The following DNAI3 variants were observed in gnomAD, a reference collection of about 807,000 sequenced individuals.
DNAI3 encodes dynein axonemal intermediate chain 3, also known as WD repeat domain 63.
DNAI3 carries 83 observed loss-of-function variants against 115.5 expected under a neutral mutation model. The ratio of observed to expected loss-of-function variants is 0.72; its 90% confidence interval spans 0.60 to 0.86. The LOEUF (loss-of-function observed/expected upper bound fraction) is 0.86. Ranked by LOEUF, DNAI3 falls within the 40% of genes least tolerant of loss-of-function variation. The pLI, the probability that DNAI3 is intolerant of heterozygous loss-of-function variation, is 0.00. For synonymous variants in DNAI3, 320 were observed against 347.0 expected (o/e 0.92, Z 0.86); for missense variants, 1,004 against 1,075.8 (o/e 0.93, Z 0.93).
chr1:85,064,704 A>G (rs1654040571), intron 1 of DNAI3, among the ~76,000 whole-genome samples: 1 of 152,084 alleles, frequency 6.6e-6, no homozygotes, highest in Non-Finnish European at 1.5e-5. Flanking sequence ...GTTCTAGACC[A>G]GCCTGGGCAA....
chr1:85,078,076 G>A (rs1654514716), intron 3 of DNAI3, among the ~76,000 whole-genome samples: 1 of 152,116 alleles, frequency 6.6e-6, no homozygotes, highest in South Asian at 2.1e-4. Flanking sequence ...CCATTCACTG[G>A]ATCCTATGGA....
At chr1:85,119,749 G>A (rs1655936308) in intron 17 of DNAI3, among the ~76,000 whole-genome samples, 1 of 151,904 alleles carries the variant, frequency 6.6e-6, no homozygotes, top group South Asian at 2.1e-4. Context: ...CCAGGCTGGA[G>A]TGTAGTGGCA....
intron 1 of DNAI3, among the ~76,000 whole-genome samples, chr1:85,064,522 C>T (rs116000993): frequency 7.4e-4 from 113 of 152,258 alleles, no homozygotes; most frequent in African/African-American, 2.5e-3. Context: ...ATCAATAGTT[C>T]TTGCAGACGC....
intron 16 of DNAI3, among the ~76,000 whole-genome samples, chr1:85,115,137 C>T (rs1054785462): frequency 1.4e-4 from 22 of 152,152 alleles, no homozygotes; most frequent in Admixed American, 7.9e-4. Context: ...ATTACTTTAC[C>T]TCTCTGTACC....
rs769472340 is a variant in DNAI3, at chr1:85,097,526, A to T, written c.1264-43A>T. 3.6e-5 allele frequency: 55 copies of T among 1,540,154 alleles called. 1 individual carries two copies. The highest frequency in any genetic ancestry group is 3.7e-5 in the Non-Finnish European group (42 of 1,139,280). On this transcript the variant is annotated intron_variant, in intron 11 of 22. Transcript: ENST00000294664. ...TAAAAGAAAATTAAGACTCAATTAGATATTTTCTGAAAAGGTTATGATAAC... is the reference window on the plus strand; with the variant it reads ...TAAAAGAAAATTAAGACTCAATTAGTTATTTTCTGAAAAGGTTATGATAAC...
At chr1:85,116,983 C>T (rs1198192804) in intron 16 of DNAI3, among the ~76,000 whole-genome samples, 1 of 151,878 alleles carries the variant, frequency 6.6e-6, no homozygotes, top group Non-Finnish European at 1.5e-5. Context: ...AAGTTTTATT[C>T]TCCTGTTTTA....
At position 85,128,701 on chromosome 1, in the gene DNAI3, T is replaced by A; in HGVS notation, c.2318-7T>A. 1 of 1,601,856 alleles carries A rather than the reference T, an allele frequency of 6.2e-7. No individual in the cohort carries two copies. Among genetic ancestry groups the A allele is most frequent in the Non-Finnish European group, 8.5e-7 (1 of 1,176,864 alleles). ...TTTTTTCCTCCCATTTATTTTAAAA[T>A]TTTCAGCTAAACAGCAATTTATAGC... is the stretch of plus-strand genomic sequence containing the variant. On this transcript the variant is annotated splice_polypyrimidine_tract_variant and splice_region_variant and intron_variant, in intron 20 of 22. Coordinates refer to ENST00000294664, the MANE Select transcript of DNAI3 (RefSeq NM_145172.5).
At chr1:85,073,367 G>GT (rs1654346397) in intron 3 of DNAI3, among the ~76,000 whole-genome samples, 1 of 152,102 alleles carries the variant, frequency 6.6e-6, no homozygotes, top group Non-Finnish European at 1.5e-5. Flanking sequence ...AGTGTTATAA[G>GT]CCTGCAACTT....
chr1:85,113,454 T>G (rs1423581665), intron 16 of DNAI3, among the ~76,000 whole-genome samples: 2 of 152,220 alleles, frequency 1.3e-5, no homozygotes, highest in African/African-American at 2.4e-5. Flanking sequence ...CACCATTTGT[T>G]GAATACACCA....
In DNAI3 at chr1:85,081,275, C is replaced by A; in HGVS notation, c.145C>A (p.Gln49Lys). 6.2e-7 allele frequency: 1 copy of A among 1,600,110 alleles called. No individual in the cohort carries two copies. The highest frequency in any genetic ancestry group is 8.5e-7 in the Non-Finnish European group (1 of 1,175,856). The stretch of plus-strand genomic sequence containing the variant: ...TCCTTTAGTATTAACCACCAAGACC[C>A]AAGAAATATTTAACTGCCGAATAGA... ...IYPLVLTTKT[Q>K]EIFNCRIDED... The change falls in exon 4 of 23, where the codon CAA becomes AAA. Residue 49 changes from glutamine to lysine, a missense_variant. Gln to Lys is a moderately conservative substitution (Grantham distance 53). This residue lies in a region of DNAI3 where 550 missense variants were observed against 568.1 expected (regional missense o/e 0.97). Transcript: ENST00000294664.
intron 13 of DNAI3, among the ~76,000 whole-genome samples, chr1:85,103,237 G>A (rs1655381975): frequency 6.6e-6 from 1 of 152,176 alleles, no homozygotes; most frequent in African/African-American, 2.4e-5. Context: ...CAGTTCCAGA[G>A]TGGCATCTTC....
chr1:85,122,162 A>T (rs1656010606), intron 18 of DNAI3, among the ~76,000 whole-genome samples: 1 of 152,256 alleles, frequency 6.6e-6, no homozygotes, highest in African/African-American at 2.4e-5. Context: ...TAAAAATAAA[A>T]TACTGTTTCA....
chr1:85,122,874 G>C (rs1160936637), intron 18 of DNAI3, among the ~76,000 whole-genome samples: 1 of 152,172 alleles, frequency 6.6e-6, no homozygotes, highest in Non-Finnish European at 1.5e-5. Flanking sequence ...AAATTAGGAG[G>C]ATTCAGTTCT....
intron 13 of DNAI3, among the ~76,000 whole-genome samples, chr1:85,100,517 T>C (rs1235095964): frequency 2.0e-5 from 3 of 152,210 alleles, no homozygotes; most frequent in Admixed American, 6.5e-5. Context: ...ACTTTTACAC[T>C]GTTGGTGGGA....
chr1:85,074,104 C>T (rs2100558470), intron 3 of DNAI3, among the ~76,000 whole-genome samples: 1 of 152,254 alleles, frequency 6.6e-6, no homozygotes, highest in Admixed American at 6.5e-5. Context: ...TTCAAACCAC[C>T]CCAACTTATG....
intron 20 of DNAI3, among the ~76,000 whole-genome samples, chr1:85,127,508 A>G (rs966103354): frequency 6.6e-6 from 1 of 152,018 alleles, no homozygotes; most frequent in Non-Finnish European, 1.5e-5. Flanking sequence ...AAGTTCTGGG[A>G]TTATAGGGGT....
At chr1:85,065,880 A>G (rs1174879132) in intron 1 of DNAI3, among the ~76,000 whole-genome samples, 1 of 152,240 alleles carries the variant, frequency 6.6e-6, no homozygotes, top group African/African-American at 2.4e-5. Context: ...GCATCATAAA[A>G]GGATATAGTC....
chr1:85,090,008 T>G, intron 7 of DNAI3, 108 bp from the exon 8 acceptor site: 1 of 425,514 alleles, frequency 2.4e-6, no homozygotes, highest in Non-Finnish European at 4.2e-6. Context: ...AAATATAAAA[T>G]AATATCCTAA....
intron 22 of DNAI3, among the ~76,000 whole-genome samples, chr1:85,131,583 T>G (rs1656326823): frequency 6.6e-6 from 1 of 152,186 alleles, no homozygotes; most frequent in African/African-American, 2.4e-5. Context: ...TCAAAACATG[T>G]TTGGTGACAA....
Sources: gnomAD v4.1 joint callset for allele counts (sites outside exome capture counted in the v4.1 genomes callset) on GRCh38, gnomAD v4.1.1 for gene constraint, gnomAD v4.1.1 regional missense constraint, MANE v1.5 for transcripts, NCBI Gene and HGNC (gene_info 2026-07-23, HGNC 2026-07-21) for gene names.